The following PIK3AP1 variants were observed in gnomAD, a reference collection of about 807,000 sequenced individuals.
PIK3AP1 encodes phosphoinositide-3-kinase adaptor protein 1, also known as phosphoinositide 3-kinase adapter protein 1.
A neutral mutation model predicts 88.1 loss-of-function variants in PIK3AP1; 21 were observed. That is an observed-to-expected ratio of 0.24 (90% CI 0.17 to 0.34). PIK3AP1 has a LOEUF of 0.34. Ranked by LOEUF, PIK3AP1 falls within the 10% of genes least tolerant of loss-of-function variation. The pLI, the probability that PIK3AP1 is intolerant of heterozygous loss-of-function variation, is 1.00. For missense variants in PIK3AP1, 828 were observed against 1,035.7 expected (o/e 0.80, Z 2.75); for synonymous variants, 398 against 400.0 (o/e 1.00, Z 0.06).
intron 13 of PIK3AP1, among the ~76,000 whole-genome samples, chr10:96,615,558 G>T (rs1345136907): frequency 1.3e-5 from 2 of 152,128 alleles, no homozygotes; most frequent in African/African-American, 4.8e-5. Flanking sequence ...ATGAAGGAAT[G>T]AGGTGATAGC....
intron 2 of PIK3AP1, among the ~76,000 whole-genome samples, chr10:96,709,273 A>G (rs1159012806): frequency 1.3e-5 from 2 of 152,084 alleles, no homozygotes; most frequent in Non-Finnish European, 2.9e-5. Context: ...CCCAGCCCCA[A>G]CTACTTTCTA....
intron 12 of PIK3AP1, among the ~76,000 whole-genome samples, chr10:96,617,968 G>T (rs557274589): frequency 5.3e-5 from 8 of 152,318 alleles, no homozygotes; most frequent in Admixed American, 2.0e-4. Context: ...TTGTGAGAGG[G>T]TGACGTGAAG....
intron 2 of PIK3AP1, among the ~76,000 whole-genome samples, chr10:96,662,994 G>C (rs950414144): frequency 1.3e-5 from 2 of 149,812 alleles, no homozygotes; most frequent in Admixed American, 6.6e-5. Context: ...AAATGCTACA[G>C]CATGCATGAA....
intron 2 of PIK3AP1, among the ~76,000 whole-genome samples, chr10:96,677,461 T>C (rs560238880): frequency 6.5e-4 from 99 of 152,126 alleles, no homozygotes; most frequent in Non-Finnish European, 1.3e-3. Flanking sequence ...CAGAGTCCAG[T>C]TGTCTTCCTC....
rs1416294922 is a variant in PIK3AP1 at position 96,681,992 on chromosome 10, GTGTA to G, written c.431-25062_431-25059del. On this transcript the variant is annotated intron_variant, in intron 2 of 16. Coordinates refer to ENST00000339364, the MANE Select transcript of PIK3AP1 (RefSeq NM_152309.3). ...AATATGCATACATAAATATATGTGT[GTGTA>G]TATATATATATATATATAGAGAGAG... 8.0e-5 allele frequency among the ~76,000 whole-genome samples: 4 copies of G among 50,014 alleles called. No individual in the cohort carries two copies. In the East Asian group the frequency reaches 3.9e-3, roughly 48 times the overall value. 32.8% of individuals were successfully genotyped at this position (50,014 alleles called of 152,430 possible).
At chr10:96,606,557 A>C (rs990100928) in intron 14 of PIK3AP1, among the ~76,000 whole-genome samples, 6 of 152,176 alleles carry the variant, frequency 3.9e-5, no homozygotes, top group Non-Finnish European at 8.8e-5. Flanking sequence ...CTCCAAGCTG[A>C]TGACTTACTT....
chr10:96,672,284 C>T (rs1010638528), intron 2 of PIK3AP1, among the ~76,000 whole-genome samples: 1 of 152,202 alleles, frequency 6.6e-6, no homozygotes, highest in Admixed American at 6.5e-5. Flanking sequence ...TTTCACTGCA[C>T]ATCGGTGAAT....
intron 1 of PIK3AP1, among the ~76,000 whole-genome samples, chr10:96,710,494 T>A (rs1422448272): frequency 6.6e-6 from 1 of 152,142 alleles, no homozygotes; most frequent in Non-Finnish European, 1.5e-5. Context: ...AGTGCTGGGA[T>A]TACAGGCGTG....
At chr10:96,688,225 A>T (rs1369588192) in intron 2 of PIK3AP1, among the ~76,000 whole-genome samples, 1 of 152,150 alleles carries the variant, frequency 6.6e-6, no homozygotes, top group Non-Finnish European at 1.5e-5. Flanking sequence ...CCCACCCAGG[A>T]TGAAGATGAG....
intron 1 of PIK3AP1, among the ~76,000 whole-genome samples, chr10:96,716,829 C>T (rs1302754125): frequency 6.6e-6 from 1 of 152,070 alleles, no homozygotes; most frequent in African/African-American, 2.4e-5. Context: ...TTTCTTTGTC[C>T]TCGTAAAACG....
intron 2 of PIK3AP1, among the ~76,000 whole-genome samples, chr10:96,698,817 C>T (rs1206778488): frequency 1.3e-5 from 2 of 152,054 alleles, no homozygotes; most frequent in African/African-American, 4.8e-5. Flanking sequence ...CATTCAATAC[C>T]TTTGAAATGA....
At chr10:96,679,347 G>A (rs1843967141) in intron 2 of PIK3AP1, among the ~76,000 whole-genome samples, 2 of 152,052 alleles carry the variant, frequency 1.3e-5, no homozygotes, top group Admixed American at 1.3e-4. Flanking sequence ...GGCCAACATG[G>A]TGAAACCCCG....
intron 2 of PIK3AP1, among the ~76,000 whole-genome samples, chr10:96,706,639 C>A (rs897730325): frequency 5.3e-5 from 8 of 152,214 alleles, no homozygotes; most frequent in Non-Finnish European, 1.2e-4. Context: ...GAAACTGGAA[C>A]TCAAAGAGGC....
intron 8 of PIK3AP1, chr10:96,633,124 G>C: frequency 1.3e-6 from 2 of 1,491,050 alleles, no homozygotes; most frequent in Non-Finnish European, 1.8e-6. Flanking sequence ...CACCATGAGA[G>C]GTATGCCAGA....
At chr10:96,657,657 T>TTGTG (rs10644854) in intron 2 of PIK3AP1, among the ~76,000 whole-genome samples, 2,333 of 149,606 alleles carry the variant, frequency 0.016, 23 homozygotes, top group Middle Eastern at 0.024. Context: ...GTGTGCAAGA[T>TTGTG]TGTGTGTGTG....
At chr10:96,637,577 T>C (rs916142872) in intron 8 of PIK3AP1, among the ~76,000 whole-genome samples, 1 of 152,094 alleles carries the variant, frequency 6.6e-6, no homozygotes, top group Non-Finnish European at 1.5e-5. Context: ...CTTGAACTAC[T>C]ATACTCAAGC....
At chr10:96,713,837 C>T (rs1244330263) in intron 1 of PIK3AP1, among the ~76,000 whole-genome samples, 2 of 152,154 alleles carry the variant, frequency 1.3e-5, no homozygotes, top group African/African-American at 4.8e-5. Flanking sequence ...AGATCCTGCT[C>T]CTCTGTGAAC....
chr10:96,687,505 G>A lies in PIK3AP1; in HGVS notation c.430+22062C>T, dbSNP rs118072895. On this transcript the variant is annotated intron_variant, in intron 2 of 16. Coordinates refer to ENST00000339364, the MANE Select transcript of PIK3AP1 (RefSeq NM_152309.3). ...CATTACCAGATCAGCACTCCTGAGA[G>A]TGAATGCCCAACCCTCCTCCAAAAT... is the stretch of plus-strand genomic sequence containing the variant. Among the ~76,000 whole-genome samples the A allele has an allele frequency of 3.1e-4, 47 of 152,254 alleles. No homozygotes were observed. In the East Asian group the frequency reaches 8.7e-3, roughly 28 times the overall value.
chr10:96,632,482 G>A (rs1843257868), intron 8 of PIK3AP1, among the ~76,000 whole-genome samples: 2 of 151,638 alleles, frequency 1.3e-5, no homozygotes, highest in African/African-American at 4.8e-5. Context: ...TCCTGAGGAT[G>A]ACCCCATGAT....
Sources: allele counts gnomAD v4.1 joint callset (sites outside exome capture counted in the v4.1 genomes callset), GRCh38; gene constraint gnomAD v4.1.1; transcripts MANE v1.5; gene names NCBI Gene and HGNC (gene_info 2026-07-23, HGNC 2026-07-21).